NIBAN2: variants seen among roughly 807,000 people sequenced by gnomAD.
The protein encoded by NIBAN2 is niban apoptosis regulator 2.
A neutral mutation model predicts 81.8 loss-of-function variants in NIBAN2; 36 were observed. The observed-to-expected ratio is 0.44, with a 90% CI of 0.34 to 0.58. The LOEUF is 0.58. NIBAN2 is among the 20% of genes least tolerant of loss of function. The pLI is 0.02. For missense variants in NIBAN2, 897 were observed against 1,014.1 expected, an observed-to-expected ratio of 0.88 and a Z score of 1.57; for synonymous variants, 445 against 441.6, an observed-to-expected ratio of 1.01 and a Z score of -0.10.
rs1837732679 is a variant in NIBAN2, at chr9:127,559,442, C to T, written c.55+9378G>A. Among the ~76,000 whole-genome samples, 1 of 152,232 alleles carries T rather than the reference C, an allele frequency of 6.6e-6. No homozygotes were observed. The highest frequency in any genetic ancestry group is 2.4e-5 in the African/African-American group (1 of 41,442). On this transcript the variant is annotated intron_variant, in intron 1 of 13. Coordinates refer to ENST00000373312, the MANE Select transcript of NIBAN2 (RefSeq NM_022833.4). This position sits in a 1 kb window ranked among gnomAD's most constrained non-coding sequence, Gnocchi z 4.0. ...GAAGGGCTTGTCAGAGGCCTCCAGG[C>T]ACCCATCCTGGGGAGCCTGCCTCCT...
Position 127,577,894 on chromosome 9 carries a change from T to TA in NIBAN2, c.16+1027dup, listed in dbSNP as rs111954538. Among the ~76,000 whole-genome samples, 39 of 150,884 alleles carry TA rather than the reference T, an allele frequency of 2.6e-4. 1 individual carries two copies. Among genetic ancestry groups the TA allele is most frequent in the African/African-American group, 7.3e-4 (30 of 41,132 alleles). ...CTACACCTGGCTTTAATTTTTTAAT[T>TA]AAAAAAAAATGTTGGGCCAGTCACA... On this transcript the variant is annotated intron_variant, in intron 1 of 13. Transcript: ENST00000373314.
chr9:127,549,372 C>T (rs1421276967), intron 1 of NIBAN2, among the ~76,000 whole-genome samples: 2 of 152,044 alleles, frequency 1.3e-5, no homozygotes, highest in East Asian at 1.9e-4. Flanking sequence ...CATGCACTCA[C>T]ATGTGCATGC....
At chr9:127,552,161 C>T (rs924014002) in intron 1 of NIBAN2, among the ~76,000 whole-genome samples, 10 of 152,236 alleles carry the variant, frequency 6.6e-5, no homozygotes, top group Admixed American at 1.3e-4. Flanking sequence ...CCCCACCCAG[C>T]ACCCCCAGTC....
rs1836751674 is a variant in NIBAN2 at position 127,512,274 on chromosome 9, AT to A, written c.974-1942del. 2.0e-5 allele frequency among the ~76,000 whole-genome samples: 3 copies of A among 146,986 alleles called. No individual in the cohort carries two copies. In the South Asian group the frequency reaches 6.4e-4, roughly 31 times the overall value. ...TTCTCCCGCCTTTCCGGACTGAACC[AT>A]GTTCATTTTACATTTTTTTTTTTTT... On this transcript the variant is annotated intron_variant, in intron 8 of 13. Transcript: ENST00000373312.
chr9:127,560,448 T>G (rs1248525487), intron 1 of NIBAN2, among the ~76,000 whole-genome samples: 14 of 152,020 alleles, frequency 9.2e-5, no homozygotes, highest in Admixed American at 9.2e-4. Context: ...TGCCTGAAAA[T>G]GCCTCCAAGG....
intron 1 of NIBAN2, among the ~76,000 whole-genome samples, chr9:127,554,548 C>CTTTCTTTT (rs1837632346): frequency 4.1e-4 from 43 of 103,690 alleles, no homozygotes; most frequent in South Asian, 7.2e-4. Flanking sequence ...TTTTCTTTTT[C>CTTTCTTTT]TTTTTTTTTT....
At chr9:127,538,901 C>T (rs1050789601) in intron 1 of NIBAN2, among the ~76,000 whole-genome samples, 5 of 146,102 alleles carry the variant, frequency 3.4e-5, no homozygotes, top group African/African-American at 7.7e-5. Flanking sequence ...GCTGAGATTG[C>T]GCCATCGTAC....
Position 127,527,339 on chromosome 9 carries a change from G to T in NIBAN2, c.187-17C>A. 2 of 1,610,860 alleles carry T rather than the reference G, an allele frequency of 1.2e-6. No individual in the cohort carries two copies. The highest frequency in any genetic ancestry group is 1.7e-6 in the Non-Finnish European group (2 of 1,178,816). ...CAGTGGCACCTGTGGGCAGGAGCGGGTGGGGAGTGAGGCCCAGGTCTGGGG... is the reference window on the plus strand; with the variant it reads ...CAGTGGCACCTGTGGGCAGGAGCGGTTGGGGAGTGAGGCCCAGGTCTGGGG... On this transcript the variant is annotated splice_polypyrimidine_tract_variant and intron_variant, in intron 2 of 13. Coordinates refer to ENST00000373312, the MANE Select transcript of NIBAN2 (RefSeq NM_022833.4).
In NIBAN2 at chr9:127,515,540, C is replaced by G. The variant is rs1390398317; in HGVS notation, c.973+1317G>C. On this transcript the variant is annotated intron_variant, in intron 8 of 13. Transcript: ENST00000373312. ...CGTCTCAAAAAAAAAAAAAAAAAAA[C>G]AAACAAAAAAAACAGGCCAGGCACA... is the stretch of plus-strand genomic sequence containing the variant. 4.7e-5 allele frequency among the ~76,000 whole-genome samples: 2 copies of G among 42,982 alleles called. 1 individual carries two copies. Among genetic ancestry groups the G allele is most frequent in the African/African-American group, 1.7e-4 (2 of 11,676 alleles). 28.2% of individuals were successfully genotyped at this position (42,982 alleles called of 152,430 possible).
chr9:127,520,199 C>G (rs1836909960), intron 5 of NIBAN2, among the ~76,000 whole-genome samples: 1 of 151,824 alleles, frequency 6.6e-6, no homozygotes, highest in African/African-American at 2.4e-5. Flanking sequence ...CCCCAGTACC[C>G]CAGAACGTGA....
intron 1 of NIBAN2, among the ~76,000 whole-genome samples, chr9:127,534,123 C>T (rs955614321): frequency 1.3e-5 from 2 of 152,198 alleles, no homozygotes; most frequent in Non-Finnish European, 2.9e-5. Context: ...TGTGCTGGCC[C>T]GCTGTGCGGC....
intron 1 of NIBAN2, among the ~76,000 whole-genome samples, chr9:127,551,392 G>T (rs906325458): frequency 6.6e-6 from 1 of 152,014 alleles, no homozygotes; most frequent in East Asian, 1.9e-4. Context: ...GTACAGTGGT[G>T]GGCACCTGTA....
chr9:127,556,460 T>G (rs55947235), intron 1 of NIBAN2, among the ~76,000 whole-genome samples: 2 of 43,018 alleles, frequency 4.6e-5, no homozygotes, highest in South Asian at 1.7e-3. Flanking sequence ...GCAATGGCAT[T>G]CATTCATTCA....
At chr9:127,544,803 C>T (rs930675009) in intron 1 of NIBAN2, among the ~76,000 whole-genome samples, 2 of 152,226 alleles carry the variant, frequency 1.3e-5, no homozygotes, top group African/African-American at 4.8e-5. Context: ...CGCACCCGGC[C>T]ATGGCTGTTA....
At position 127,569,052 on chromosome 9, in the gene NIBAN2, C is replaced by A. The variant is rs550564099; in HGVS notation, c.-178G>T. ...TCCGGCTCCGCTCCCGGTCGGGCCC[C>A]GTCCCTCCAGCCGGCCGCCTTGGCC... On this transcript the variant is annotated 5_prime_UTR_variant, in exon 1 of 14. Transcript: ENST00000373312. 49 of 1,089,416 alleles carry A rather than the reference C, an allele frequency of 4.5e-5. No homozygotes were observed. In the Middle Eastern group the frequency reaches 1.2e-3, roughly 27 times the overall value. The allele number at this position is 1,089,416 out of a possible 1,614,324, so 67.5% of individuals were successfully genotyped here. A position where few individuals can be genotyped will look rare whatever the true frequency, so the allele number is the denominator to read the frequency against.
chr9:127,521,092 T>C (rs540297741), intron 5 of NIBAN2, among the ~76,000 whole-genome samples: 4 of 152,096 alleles, frequency 2.6e-5, no homozygotes, highest in Non-Finnish European at 5.9e-5. Flanking sequence ...ATATTTCTGC[T>C]GTGTAGCTGC....
intron 9 of NIBAN2, 122 bp from the exon 10 acceptor site, chr9:127,509,253 G>A: frequency 1.1e-6 from 1 of 917,544 alleles, no homozygotes; most frequent in Non-Finnish European, 1.6e-6. Flanking sequence ...TACCAGGGAT[G>A]GCCACCTGGT....
chr9:127,544,484 C>T (rs1287193580), intron 1 of NIBAN2, among the ~76,000 whole-genome samples: 1 of 151,786 alleles, frequency 6.6e-6, no homozygotes, highest in African/African-American at 2.4e-5. Context: ...TTCTTTTTTT[C>T]TTTTATTTTT....
At chr9:127,576,289 C>G (rs4620390) in intron 1 of NIBAN2, among the ~76,000 whole-genome samples, 110,109 of 151,644 alleles carry the variant, frequency 0.73, 40,126 homozygotes, top group Middle Eastern at 0.78. Context: ...TACAAAGTCC[C>G]TTCTATAGTG....
Sources: gnomAD v4.1 joint callset for allele counts (sites outside exome capture counted in the v4.1 genomes callset) on GRCh38, gnomAD v4.1.1 for gene constraint, Gnocchi (gnomAD v3.1) non-coding constraint, MANE v1.5 for transcripts, NCBI Gene and HGNC (gene_info 2026-07-23, HGNC 2026-07-21) for gene names.